Variants in KNTC1 observed in about 807,000 individuals in gnomAD.
The protein encoded by KNTC1 is kinetochore-associated protein 1.
KNTC1 carries 253 observed loss-of-function variants against 314.4 expected under a neutral mutation model. That is an observed-to-expected ratio of 0.80 (90% CI 0.73 to 0.89). The LOEUF (loss-of-function observed/expected upper bound fraction) is 0.89. KNTC1 is among the 40% of genes least tolerant of loss of function. KNTC1 has a pLI of 0.00. For missense variants in KNTC1, 2,475 were observed against 2,572.9 expected, an observed-to-expected ratio of 0.96 and a Z score of 0.82; for synonymous variants, 901 against 901.4, an observed-to-expected ratio of 1.00 and a Z score of 0.01.
rs1227417774 is a variant in KNTC1 at position 122,527,266 on chromosome 12, T to G, written c.-159T>G. On this transcript the variant is annotated 5_prime_UTR_variant, in exon 1 of 64. The change abolishes an upstream ATG in the 5' untranslated region. Coordinates refer to ENST00000333479, the MANE Select transcript of KNTC1 (RefSeq NM_014708.6). ...CTCCCGCCAATTTAAGCCTGTGGCA[T>G]GGAACCTAAAGACTAGAGGCGGTTG... 13 of 252,290 alleles carry G rather than the reference T, an allele frequency of 5.2e-5. No homozygotes were observed. The highest frequency in any genetic ancestry group is 4.4e-4 in the South Asian group (8 of 18,192). 15.6% of individuals were successfully genotyped at this position (252,290 alleles called of 1,614,324 possible).
At chr12:122,624,132 C>G (rs1874746356) in intron 62 of KNTC1, among the ~76,000 whole-genome samples, 2 of 152,190 alleles carry the variant, frequency 1.3e-5, no homozygotes, top group East Asian at 3.9e-4. Context: ...CTAACCTTCT[C>G]TTTGTTCTTT....
chr12:122,547,640 A>C, intron 11 of KNTC1, 110 bp downstream of exon 11: 1 of 766,758 alleles, frequency 1.3e-6, no homozygotes, highest in South Asian at 1.7e-5. Context: ...AACACTGTGA[A>C]ACAGTCTGAC....
At chr12:122,537,590 A>G (rs1227789617) in intron 3 of KNTC1, among the ~76,000 whole-genome samples, 1 of 151,574 alleles carries the variant, frequency 6.6e-6, no homozygotes, top group African/African-American at 2.4e-5. Flanking sequence ...GGCTAATTTT[A>G]TATTTTTAGT....
At chr12:122,573,481 C>T (rs1011046872) in intron 26 of KNTC1, among the ~76,000 whole-genome samples, 196 bp downstream of exon 26, 17 of 152,086 alleles carry the variant, frequency 1.1e-4, no homozygotes, top group Admixed American at 2.0e-4. Context: ...ACTGTGAACC[C>T]GGAAAATCTG....
chr12:122,566,758 GTTTTTT>G (rs35657504), intron 20 of KNTC1, among the ~76,000 whole-genome samples: 1 of 92,400 alleles, frequency 1.1e-5, no homozygotes. Context: ...GTCCAGGCTG[GTTTTTT>G]TTTTTTTTTT....
chr12:122,606,712 C>CAT, intron 51 of KNTC1, among the ~76,000 whole-genome samples: 1 of 152,010 alleles, frequency 6.6e-6, no homozygotes, highest in Admixed American at 6.5e-5. Flanking sequence ...CCTATATACA[C>CAT]CTTTCACCGA....
chr12:122,548,290 C>T (rs540374878), intron 12 of KNTC1, among the ~76,000 whole-genome samples: 5 of 152,100 alleles, frequency 3.3e-5, no homozygotes, highest in Admixed American at 2.6e-4. Flanking sequence ...CTCACTGCAA[C>T]CCCCCACCCC....
chr12:122,593,939 A>G, intron 42 of KNTC1: 1 of 197,046 alleles, frequency 5.1e-6, no homozygotes. Flanking sequence ...TTATTTGCCA[A>G]CAGTTGACTT....
intron 60 of KNTC1, among the ~76,000 whole-genome samples, chr12:122,621,481 C>A (rs1874427873): frequency 6.6e-6 from 1 of 152,132 alleles, no homozygotes; most frequent in Non-Finnish European, 1.5e-5. Context: ...GTTACGGGCT[C>A]CTGCCACCAC....
intron 20 of KNTC1, among the ~76,000 whole-genome samples, chr12:122,566,356 T>G (rs190706189): frequency 4.6e-5 from 7 of 151,780 alleles, no homozygotes; most frequent in Non-Finnish European, 8.8e-5. Flanking sequence ...CAGGTTCAAG[T>G]GATTCTCCTG....
rs543899971 is a variant in KNTC1 at position 122,605,810 on chromosome 12, C to T, written c.5496+395C>T. The stretch of plus-strand genomic sequence containing the variant: ...CCTCCTGCCTCAGCCTCTCAAAGTG[C>T]TGGGATTACAGGCGTGAGCCACTGC... On this transcript the variant is annotated intron_variant, in intron 51 of 63. Transcript: ENST00000333479. Among the ~76,000 whole-genome samples, 5 of 152,282 alleles carry T rather than the reference C, an allele frequency of 3.3e-5. No homozygotes were observed. In the South Asian group the frequency reaches 1.0e-3, roughly 32 times the overall value.
chr12:122,539,371 A>C (rs1433523001), intron 4 of KNTC1, among the ~76,000 whole-genome samples: 1 of 152,170 alleles, frequency 6.6e-6, no homozygotes, highest in African/African-American at 2.4e-5. Flanking sequence ...TAAGCTTTGA[A>C]GGTGTTACCA....
Position 122,530,073 on chromosome 12 carries a change from G to T in KNTC1, c.10G>T (p.Asp4Tyr). 6.2e-7 allele frequency: 1 copy of T among 1,613,606 alleles called. No homozygotes were observed. The highest frequency in any genetic ancestry group is 8.5e-7 in the Non-Finnish European group (1 of 1,179,724). Residue 4 changes from aspartate (D) to tyrosine (Y), a missense_variant, in exon 2 of 64, where the codon GAT becomes TAT. By Grantham distance (160) the Asp-to-Tyr change is radical (BLOSUM62 -3). Transcript: ENST00000333479. ...AGACAGTCTCAGAAACATGTGGAAT[G>T]ATATTGAGCTGCTAACAAATGATGA... MWNDIELLTNDDTG... is the reference protein window; with the variant it reads MWNYIELLTNDDTG...
intron 43 of KNTC1, among the ~76,000 whole-genome samples, chr12:122,594,886 CTTCT>C (rs1593640867): frequency 6.6e-6 from 1 of 152,040 alleles, no homozygotes; most frequent in African/African-American, 2.4e-5. Context: ...TTTTATTTAA[CTTCT>C]TTCTTTATTT....
chr12:122,566,756 T>TG (rs1275090246), intron 20 of KNTC1, among the ~76,000 whole-genome samples: 1 of 120,776 alleles, frequency 8.3e-6, no homozygotes, highest in Non-Finnish European at 1.7e-5. Context: ...TTGTCCAGGC[T>TG]GGTTTTTTTT....
In KNTC1 at chr12:122,601,525, T is replaced by C. The variant is rs1260726239; in HGVS notation, c.4564-11T>C. The C allele has an allele frequency of 1.3e-6, 2 of 1,519,578 alleles. No homozygotes were observed. The highest frequency in any genetic ancestry group is 1.8e-6 in the Non-Finnish European group (2 of 1,137,058). 94.1% of individuals were successfully genotyped at this position (1,519,578 alleles called of 1,614,324 possible). A position where few individuals can be genotyped will look rare whatever the true frequency, so the allele number is the denominator to read the frequency against. ...CTTATCAAGTTTTGATATATTTTTG[T>C]TTTTATACAGTTGGATCCTTATGAC... On this transcript the variant is annotated splice_polypyrimidine_tract_variant and intron_variant, in intron 44 of 63. Transcript: ENST00000333479.
Position 122,577,024 on chromosome 12 carries a change from G to C in KNTC1, c.2716G>C (p.Glu906Gln), listed in dbSNP as rs905928288. The part of the protein sequence containing the change: ...SLRIIDLIDR[E>Q]QGEDCLLLLK... ...AAGAATTATTGACCTGATTGATAGAGAACAGGTTTGTAAGTTTTATGTTGT... is the reference window on the plus strand; with the variant it reads ...AAGAATTATTGACCTGATTGATAGACAACAGGTTTGTAAGTTTTATGTTGT... The change falls in exon 30 of 64, where the codon GAA (glutamate) becomes CAA (glutamine). Residue 906 changes from glutamate (E) to glutamine (Q), a missense_variant. Coordinates refer to ENST00000333479, the MANE Select transcript of KNTC1 (RefSeq NM_014708.6). 5 of 1,524,212 alleles carry C rather than the reference G, an allele frequency of 3.3e-6. No individual in the cohort carries two copies. The highest frequency in any genetic ancestry group is 1.8e-4 in the Middle Eastern group (1 of 5,500). 94.4% of individuals were successfully genotyped at this position (1,524,212 alleles called of 1,614,324 possible).
chr12:122,605,176 T>A, intron 50 of KNTC1, 89 bp downstream of exon 50: 3 of 1,171,266 alleles, frequency 2.6e-6, no homozygotes, highest in Non-Finnish European at 3.7e-6. Flanking sequence ...ACATATATAT[T>A]ACTTACATAT....
At chr12:122,613,560 T>C in intron 54 of KNTC1, 66 bp from the exon 55 acceptor site, 1 of 1,422,830 alleles carries the variant, frequency 7.0e-7, no homozygotes, top group Non-Finnish European at 9.3e-7. Flanking sequence ...TTCCATATGG[T>C]AGTTTTTATT....
Sources: allele counts gnomAD v4.1 joint callset (sites outside exome capture counted in the v4.1 genomes callset), GRCh38; gene constraint gnomAD v4.1.1; transcripts MANE v1.5; gene names NCBI Gene and HGNC (gene_info 2026-07-23, HGNC 2026-07-21).